The following KDM4B variants were observed in gnomAD, a reference collection of about 807,000 sequenced individuals.
The protein encoded by KDM4B is lysine-specific demethylase 4B.
A neutral mutation model predicts 125.2 loss-of-function variants in KDM4B; 32 were observed. The ratio of observed to expected loss-of-function variants is 0.26; its 90% CI spans 0.19 to 0.34. The LOEUF (loss-of-function observed/expected upper bound fraction) is 0.34, where lower values mean the gene tolerates loss of function less well. Among genes scored for constraint, KDM4B ranks in the 10% least tolerant of loss-of-function variants. The probability of loss-of-function intolerance (pLI) is 1.00; values close to 1 mark genes in which losing one functional copy is unlikely to be tolerated. For missense variants in KDM4B, 1,190 were observed against 1,577.7 expected (o/e 0.75, Z 4.16); for synonymous variants, 721 against 677.9 (o/e 1.06, Z -0.99).
In KDM4B at chr19:5,082,006, C is replaced by T. The variant is rs369164255; in HGVS notation, c.781-361C>T. On this transcript the variant is annotated intron_variant, in intron 8 of 22. Transcript: ENST00000159111. The surrounding 1 kb of genome is among the most constrained non-coding windows in gnomAD (Gnocchi z 5.4). ...GCCCCCATCGCTCCCCATGAAGGTC[C>T]GGCTGGAGACACCCCCACGGGCATT... Among the ~76,000 whole-genome samples the T allele has an allele frequency of 6.6e-6, 1 of 152,184 alleles. No individual in the cohort carries two copies. The highest frequency in any genetic ancestry group is 2.4e-5 in the African/African-American group (1 of 41,442).
At chr19:5,016,664 A>C (rs1011503844) in intron 2 of KDM4B, among the ~76,000 whole-genome samples, 2 of 152,198 alleles carry the variant, frequency 1.3e-5, no homozygotes, top group African/African-American at 2.4e-5. Flanking sequence ...CCCAGGACCC[A>C]CTACCCTGTC....
intron 9 of KDM4B, among the ~76,000 whole-genome samples, chr19:5,093,970 C>G (rs1027328947): frequency 6.6e-6 from 1 of 152,256 alleles, no homozygotes; most frequent in Non-Finnish European, 1.5e-5. Flanking sequence ...CATGTATCCT[C>G]TCTCAGTTCT....
In KDM4B at chr19:5,151,574, C is replaced by G. The variant is rs187655942; in HGVS notation, c.*63C>G. 236 of 1,257,810 alleles carry G rather than the reference C, an allele frequency of 1.9e-4. 3 individuals are homozygous for G. In the African/African-American group the frequency reaches 3.3e-3, roughly 18 times the overall value. The allele number at this position is 1,257,810 out of a possible 1,614,324, so 77.9% of individuals were successfully genotyped here. Reference sequence around the variant, plus strand: ...GAGGCCATGGCATGCCCCGGGCGTTCGCTTGCTGTGAATTCCTGTCCTCGT... The same window carrying G: ...GAGGCCATGGCATGCCCCGGGCGTTGGCTTGCTGTGAATTCCTGTCCTCGT... On this transcript the variant is annotated 3_prime_UTR_variant, in exon 23 of 23. Coordinates refer to ENST00000159111, the MANE Select transcript of KDM4B (RefSeq NM_015015.3).
intron 9 of KDM4B, among the ~76,000 whole-genome samples, chr19:5,108,317 C>T (rs1250197969): frequency 6.6e-6 from 1 of 152,234 alleles, no homozygotes; most frequent in Non-Finnish European, 1.5e-5. Context: ...AATGACACCA[C>T]CAGCCTTTCT....
intron 14 of KDM4B, among the ~76,000 whole-genome samples, 165 bp downstream of exon 14, chr19:5,134,226 G>C (rs565367071): frequency 1.3e-5 from 2 of 152,312 alleles, no homozygotes; most frequent in African/African-American, 4.8e-5. Flanking sequence ...GCAGAGCCTG[G>C]TCTCTGGGTT....
intron 5 of KDM4B, among the ~76,000 whole-genome samples, chr19:5,043,396 G>A (rs192344103): frequency 6.1e-5 from 9 of 147,280 alleles, no homozygotes; most frequent in Non-Finnish European, 1.0e-4. Flanking sequence ...TTATCGGAGT[G>A]GGGGGGTCCA....
intron 2 of KDM4B, 65 bp downstream of exon 2, chr19:5,016,404 C>T (rs750624566): frequency 1.3e-5 from 2 of 152,218 alleles, no homozygotes; most frequent in Non-Finnish European, 2.9e-5. Flanking sequence ...GCTGTGGCCT[C>T]TTCCCTGGGT....
chr19:4,986,143 G>C (rs2034823274), intron 1 of KDM4B, among the ~76,000 whole-genome samples: 1 of 152,246 alleles, frequency 6.6e-6, no homozygotes, highest in Non-Finnish European at 1.5e-5. Context: ...GACCTGCCGT[G>C]GGGGCTGTGA....
At chr19:5,067,893 G>T (rs557558799) in intron 6 of KDM4B, among the ~76,000 whole-genome samples, 26 of 152,276 alleles carry the variant, frequency 1.7e-4, no homozygotes, top group Admixed American at 1.1e-3. Flanking sequence ...AAAGCTGATT[G>T]ATTTTGGCCG....
chr19:5,039,786 C>T, intron 3 of KDM4B, 50 bp from the exon 4 acceptor site: 1 of 1,585,746 alleles, frequency 6.3e-7, no homozygotes, highest in Non-Finnish European at 8.6e-7. Flanking sequence ...GCTCTCTGGC[C>T]CTGCCCTGAG....
In KDM4B at chr19:4,971,523, C is replaced by G. The variant is rs1471461027; in HGVS notation, c.-109+2293C>G. ...GGAAGCCATCTGTCCTCGGTTCCAT[C>G]TGACACCTGTGGGGACGTGCCTTGG... On this transcript the variant is annotated intron_variant, in intron 1 of 22. Coordinates refer to ENST00000159111, the MANE Select transcript of KDM4B (RefSeq NM_015015.3). The surrounding 1 kb of genome is among the most constrained non-coding windows in gnomAD (Gnocchi z 4.1). 6.6e-6 allele frequency among the ~76,000 whole-genome samples: 1 copy of G among 152,208 alleles called. No individual in the cohort carries two copies. Among genetic ancestry groups the G allele is most frequent in the Non-Finnish European group, 1.5e-5 (1 of 68,034 alleles).
intron 6 of KDM4B, among the ~76,000 whole-genome samples, chr19:5,065,782 C>T (rs539819130): frequency 1.3e-5 from 2 of 152,238 alleles, no homozygotes; most frequent in African/African-American, 4.8e-5. Context: ...CTCCTCTGCA[C>T]GGCCGGGGGC....
intron 2 of KDM4B, among the ~76,000 whole-genome samples, chr19:5,027,486 CATT>C (rs1336259359): frequency 6.6e-5 from 10 of 151,964 alleles, no homozygotes; most frequent in African/African-American, 2.4e-4. Context: ...TTCAGGAGAG[CATT>C]ATTCTTTCTT....
At chr19:5,014,994 CAAAAA>C (rs772116720) in intron 1 of KDM4B, among the ~76,000 whole-genome samples, 3 of 103,418 alleles carry the variant, frequency 2.9e-5, no homozygotes, top group African/African-American at 1.1e-4. Flanking sequence ...GAGTCCGTCT[CAAAAA>C]AAAAAAAAAA....
chr19:5,090,786 G>A (rs2038684655), intron 9 of KDM4B, among the ~76,000 whole-genome samples: 1 of 150,304 alleles, frequency 6.7e-6, no homozygotes, highest in South Asian at 2.1e-4. Flanking sequence ...GCACACCCTA[G>A]ACCTTCCTCT....
In KDM4B at chr19:5,150,247, G is replaced by A. The variant is rs757034616; in HGVS notation, c.3022-111G>A. ...AGCTTGGCTGCATGTGGCCTCTAGCGGGCCCCATGCACCCAAGGGGGCTGG... is the reference window on the plus strand; with the variant it reads ...AGCTTGGCTGCATGTGGCCTCTAGCAGGCCCCATGCACCCAAGGGGGCTGG... On this transcript the variant is annotated intron_variant, in intron 21 of 22. Transcript: ENST00000159111. 13 of 744,366 alleles carry A rather than the reference G, an allele frequency of 1.7e-5. No individual in the cohort carries two copies. In the East Asian group the frequency reaches 2.2e-4, roughly 12 times the overall value. The allele number at this position is 744,366 out of a possible 1,614,324, so 46.1% of individuals were successfully genotyped here.
At chr19:5,090,632 C>T (rs1421328190) in intron 9 of KDM4B, among the ~76,000 whole-genome samples, 1 of 112,790 alleles carries the variant, frequency 8.9e-6, no homozygotes, top group African/African-American at 3.7e-5. Context: ...CCGCTGCGCG[C>T]GTGCGCCCCC....
intron 1 of KDM4B, among the ~76,000 whole-genome samples, chr19:5,004,599 C>A (rs2035498505): frequency 6.6e-6 from 1 of 152,186 alleles, no homozygotes; most frequent in African/African-American, 2.4e-5. Context: ...TGCTGCCGTG[C>A]ACGTTTCAGC....
chr19:5,100,473 C>G (rs2613748), intron 9 of KDM4B, among the ~76,000 whole-genome samples: 3,123 of 152,252 alleles, frequency 0.021, 98 homozygotes, highest in African/African-American at 0.067. Flanking sequence ...AGAGTCTCAG[C>G]CTAGAGTGCA....
Sources: allele counts gnomAD v4.1 joint callset (sites outside exome capture counted in the v4.1 genomes callset), GRCh38; gene constraint gnomAD v4.1.1; non-coding constraint Gnocchi (gnomAD v3.1); transcripts MANE v1.5; gene names NCBI Gene and HGNC (gene_info 2026-07-23, HGNC 2026-07-21).